Variants in ZPBP observed in about 807,000 individuals in gnomAD.
ZPBP encodes zona pellucida-binding protein 1.
In ZPBP, 26 loss-of-function variants were observed where a neutral mutation model predicts 44.8. The observed-to-expected ratio is 0.58, with a 90% CI of 0.43 to 0.81. The LOEUF is 0.81. Among genes scored for constraint, ZPBP ranks in the 30% least tolerant of loss-of-function variants. The pLI is 0.00. For missense variants in ZPBP, 409 were observed against 434.0 expected, an observed-to-expected ratio of 0.94 and a Z score of 0.51; for synonymous variants, 174 against 153.2, an observed-to-expected ratio of 1.14 and a Z score of -1.00.
At position 49,901,840 on chromosome 7, in the gene ZPBP, G is replaced by C. The variant is rs186797494; in HGVS notation, n.412-625C>G. Among the ~76,000 whole-genome samples the C allele has an allele frequency of 9.9e-5, 14 of 141,966 alleles. No homozygotes were observed. The Admixed American group carries it at 1.1e-3, about 11-fold the overall frequency. 93.1% of individuals were successfully genotyped at this position (141,966 alleles called of 152,430 possible). A position where few individuals can be genotyped will look rare whatever the true frequency, so the allele number is the denominator to read the frequency against. ...ACACATTGATCAATGGAACAGAATAGAGAGCCCAGAAATAGACTCAGATAA... is the reference window on the plus strand; with the variant it reads ...ACACATTGATCAATGGAACAGAATACAGAGCCCAGAAATAGACTCAGATAA... On this transcript the variant is annotated intron_variant and non_coding_transcript_variant, in intron 1 of 2. Transcript: ENST00000465922.
chr7:49,870,277 G>A (rs1311637898), intron 2 of ZPBP, among the ~76,000 whole-genome samples: 1 of 152,144 alleles, frequency 6.6e-6, no homozygotes, highest in Non-Finnish European at 1.5e-5. Flanking sequence ...GCGGGCGCCT[G>A]TAGTCCCAGC....
intron 7 of ZPBP, among the ~76,000 whole-genome samples, chr7:49,959,226 C>A (rs1194961873): frequency 2.0e-5 from 3 of 147,178 alleles, no homozygotes; most frequent in Admixed American, 6.8e-5. Context: ...TTTTATTTAA[C>A]ACTGTACTAG....
At chr7:49,841,831 T>C in the ZPBP span, among the ~76,000 whole-genome samples, 6 of 152,224 alleles carry the variant, frequency 3.9e-5, no homozygotes, top group African/African-American at 1.2e-4. Context: ...TTATGCTTGA[T>C]AGAAAATAAC....
At chr7:50,064,955 A>G (rs1801426886) in intron 3 of ZPBP, among the ~76,000 whole-genome samples, 1 of 152,238 alleles carries the variant, frequency 6.6e-6, no homozygotes, top group African/African-American at 2.4e-5. Flanking sequence ...TTATGTTTAG[A>G]GATTGCAGTA....
intron 1 of ZPBP, among the ~76,000 whole-genome samples, chr7:49,927,445 C>T (rs537415132): frequency 6.6e-6 from 1 of 152,250 alleles, no homozygotes; most frequent in South Asian, 2.1e-4. Flanking sequence ...CCAACCCACA[C>T]ACAATTCTGA....
At chr7:50,035,964 G>C (rs964978549) in intron 4 of ZPBP, among the ~76,000 whole-genome samples, 9 of 152,000 alleles carry the variant, frequency 5.9e-5, no homozygotes, top group Admixed American at 5.2e-4. Context: ...GAAATAAAAA[G>C]AAAAATCACC....
chr7:50,010,399 A>G (rs1905271), intron 6 of ZPBP, among the ~76,000 whole-genome samples: 125,143 of 151,810 alleles, frequency 0.82, 51,704 homozygotes, highest in East Asian at 0.92. Flanking sequence ...TGATTTTGGA[A>G]CAATTGGACA....
At chr7:50,001,166 C>T (rs1035158794) in intron 6 of ZPBP, among the ~76,000 whole-genome samples, 5 of 152,180 alleles carry the variant, frequency 3.3e-5, no homozygotes, top group African/African-American at 1.2e-4. Context: ...TTATAGCCTA[C>T]AGCAGCCCTA....
At chr7:50,060,521 C>T (rs1290621068) in intron 3 of ZPBP, among the ~76,000 whole-genome samples, 2 of 152,144 alleles carry the variant, frequency 1.3e-5, no homozygotes, top group Non-Finnish European at 2.9e-5. Flanking sequence ...CCATCAGAGA[C>T]TATTACAAAT....
At chr7:49,892,003 AATGCAGT>A (rs1250702639) in intron 2 of ZPBP, among the ~76,000 whole-genome samples, 2 of 151,544 alleles carry the variant, frequency 1.3e-5, no homozygotes, top group Admixed American at 6.6e-5. Context: ...TAACCAAAAG[AATGCAGT>A]TGGCAGAACA....
chr7:50,015,537 C>CA (rs1798783243), intron 6 of ZPBP, among the ~76,000 whole-genome samples: 1 of 152,016 alleles, frequency 6.6e-6, no homozygotes, highest in African/African-American at 2.4e-5. Context: ...GCAATTGCAA[C>CA]AAAACCAAAA....
chr7:49,990,000 C>T (rs1185232776), intron 6 of ZPBP, among the ~76,000 whole-genome samples: 1 of 152,174 alleles, frequency 6.6e-6, no homozygotes, highest in Non-Finnish European at 1.5e-5. Flanking sequence ...TTTACAGCTT[C>T]ACCTTAGCAT....
intron 1 of ZPBP, chr7:49,901,334 A>T (rs763014520): frequency 6.6e-6 from 1 of 151,880 alleles, no homozygotes; most frequent in Non-Finnish European, 1.5e-5. Flanking sequence ...AATCAAGAAA[A>T]AAAACTTCAG....
chr7:49,947,139 C>A (rs1455731776), intron 7 of ZPBP, among the ~76,000 whole-genome samples: 1 of 152,074 alleles, frequency 6.6e-6, no homozygotes, highest in Non-Finnish European at 1.5e-5. Context: ...CTCAAAATAG[C>A]TATTATGAAT....
intron 3 of ZPBP, among the ~76,000 whole-genome samples, chr7:50,070,528 C>T (rs1427422725): frequency 3.9e-5 from 6 of 152,210 alleles, no homozygotes; most frequent in Admixed American, 3.9e-4. Flanking sequence ...GGGCTCTAGT[C>T]CCACAGGCAA....
intron 4 of ZPBP, 67 bp downstream of exon 4, chr7:50,057,922 A>T: frequency 7.1e-7 from 1 of 1,416,030 alleles, no homozygotes; most frequent in Non-Finnish European, 9.8e-7. Context: ...AGACAAGCCT[A>T]CTTAAACATA....
chr7:49,874,410 C>T (rs1024146049), intron 2 of ZPBP, among the ~76,000 whole-genome samples: 6 of 152,006 alleles, frequency 3.9e-5, no homozygotes, highest in East Asian at 1.9e-4. Context: ...TAGGCTATAT[C>T]GTACAGCCTA....
intron 4 of ZPBP, among the ~76,000 whole-genome samples, chr7:50,048,099 A>G (rs1439788555): frequency 6.6e-6 from 1 of 152,174 alleles, no homozygotes. Flanking sequence ...CGCTTCTCCT[A>G]CAGAGTCAGG....
At chr7:49,935,087 C>T (rs923378967), downstream of ZPBP, among the ~76,000 whole-genome samples, 9 of 152,164 alleles carry the variant, frequency 5.9e-5, no homozygotes, top group African/African-American at 2.2e-4. Context: ...CAACTTCCAA[C>T]ATTTCACATC....
Sources: allele counts gnomAD v4.1 joint callset (sites outside exome capture counted in the v4.1 genomes callset), GRCh38; gene constraint gnomAD v4.1.1; transcripts MANE v1.5; gene names NCBI Gene and HGNC (gene_info 2026-07-23, HGNC 2026-07-21).